Variants in USP15 observed in about 807,000 individuals in gnomAD.
USP15 encodes the protein ubiquitin carboxyl-terminal hydrolase 15.
A neutral mutation model predicts 127.1 loss-of-function variants in USP15; 18 were observed. That is an observed-to-expected ratio of 0.14 (90% CI 0.10 to 0.21). USP15 has a LOEUF of 0.21. Among genes scored for constraint, USP15 ranks in the 10% least tolerant of loss-of-function variants. The pLI is 1.00. For synonymous variants in USP15, 364 were observed against 393.7 expected, an observed-to-expected ratio of 0.92 and a Z score of 0.89; for missense variants, 805 against 1,159.9, an observed-to-expected ratio of 0.69 and a Z score of 4.44.
chr12:62,404,587 T>G lies in USP15; in HGVS notation c.*212T>G, dbSNP rs1228470189. 1 of 453,930 alleles carries G rather than the reference T, an allele frequency of 2.2e-6. No homozygotes were observed. Among genetic ancestry groups the G allele is most frequent in the African/African-American group, 2.0e-5 (1 of 49,024 alleles). 28.1% of individuals were successfully genotyped at this position (453,930 alleles called of 1,614,324 possible). On this transcript the variant is annotated 3_prime_UTR_variant, in exon 22 of 22. Coordinates refer to ENST00000280377, the MANE Select transcript of USP15 (RefSeq NM_001252078.2). The stretch of plus-strand genomic sequence containing the variant: ...ATTGTCTCTTAATACATTTACAGTC[T>G]TGTATTTACAAGCTAAATATATATA...
In USP15 at chr12:62,376,538, A is replaced by T. The variant is rs566658879; in HGVS notation, c.916-4952A>T. 3.3e-5 allele frequency among the ~76,000 whole-genome samples: 5 copies of T among 152,328 alleles called. No individual in the cohort carries two copies. The South Asian group carries it at 1.0e-3, about 32-fold the overall frequency. ...GTTTTGGCATTTGTTAATGTCAGGC[A>T]GTTGAACTCCAATAAATTAACAGGG... is the stretch of plus-strand genomic sequence containing the variant. On this transcript the variant is annotated intron_variant, in intron 8 of 21. Coordinates refer to ENST00000280377, the MANE Select transcript of USP15 (RefSeq NM_001252078.2).
chr12:62,369,845 T>G (rs1592683989), intron 8 of USP15, among the ~76,000 whole-genome samples: 1 of 152,196 alleles, frequency 6.6e-6, no homozygotes, highest in African/African-American at 2.4e-5. Flanking sequence ...ACATTTAGCT[T>G]CCTTTTATAC....
chr12:62,371,903 G>A (rs1002652785), intron 8 of USP15, among the ~76,000 whole-genome samples: 1 of 152,124 alleles, frequency 6.6e-6, no homozygotes, highest in African/African-American at 2.4e-5. Flanking sequence ...CTGTGTGTGT[G>A]AGTAAGCAGG....
At chr12:62,292,869 G>C (rs2064014113) in intron 1 of USP15, among the ~76,000 whole-genome samples, 1 of 152,194 alleles carries the variant, frequency 6.6e-6, no homozygotes, top group Admixed American at 6.5e-5. Flanking sequence ...AGCACCCCGG[G>C]TCTAACTAGC....
chr12:62,369,969 A>G lies in USP15; in HGVS notation c.916-11521A>G, dbSNP rs748497311. On this transcript the variant is annotated intron_variant, in intron 8 of 21. Coordinates refer to ENST00000280377, the MANE Select transcript of USP15 (RefSeq NM_001252078.2). ...TGTTCCCTTGTTTACTCTTTGTTTT[A>G]TTCTTCTTTTTTGTTTGGTTTTTTG... Among the ~76,000 whole-genome samples, 7 of 151,882 alleles carry G rather than the reference A, an allele frequency of 4.6e-5. No homozygotes were observed. In the South Asian group the frequency reaches 1.5e-3, roughly 32 times the overall value.
At chr12:62,281,626 A>C (rs2063652154) in intron 1 of USP15, among the ~76,000 whole-genome samples, 1 of 152,228 alleles carries the variant, frequency 6.6e-6, no homozygotes, top group South Asian at 2.1e-4. Context: ...GGCGTGAGCC[A>C]CAGCACCTGG....
At chr12:62,336,326 C>T in intron 6 of USP15, 1 of 985,380 alleles carries the variant, frequency 1.0e-6, no homozygotes, top group Non-Finnish European at 1.2e-6. Context: ...TTTACCCCTC[C>T]TTCTCCCATC....
chr12:62,309,277 AAAAGAT>A (rs2064585749), intron 3 of USP15, among the ~76,000 whole-genome samples: 1 of 152,076 alleles, frequency 6.6e-6, no homozygotes, highest in Non-Finnish European at 1.5e-5. Context: ...GACTTTTTTG[AAAAGAT>A]TATGTTTTGA....
intron 4 of USP15, among the ~76,000 whole-genome samples, chr12:62,318,641 G>T (rs1344542915): frequency 6.6e-6 from 1 of 152,050 alleles, no homozygotes; most frequent in African/African-American, 2.4e-5. Flanking sequence ...TAAGTTGATA[G>T]GTCCTGCCCT....
At chr12:62,370,097 C>G (rs2066614696) in intron 8 of USP15, among the ~76,000 whole-genome samples, 1 of 152,164 alleles carries the variant, frequency 6.6e-6, no homozygotes, top group Non-Finnish European at 1.5e-5. Flanking sequence ...GCTTTAGCCT[C>G]CCGAGTAGCT....
chr12:62,390,051 T>TA, intron 14 of USP15, 63 bp downstream of exon 14: 1 of 1,398,394 alleles, frequency 7.2e-7, no homozygotes, highest in African/African-American at 1.5e-5. Context: ...AAATAGCTAA[T>TA]AAAAATAAAC....
At chr12:62,284,249 C>T (rs867400930) in intron 1 of USP15, among the ~76,000 whole-genome samples, 1 of 152,068 alleles carries the variant, frequency 6.6e-6, no homozygotes, top group Non-Finnish European at 1.5e-5. Context: ...TGGAACTTTG[C>T]GAAGAAAGCA....
intron 1 of USP15, among the ~76,000 whole-genome samples, chr12:62,289,917 T>G (rs1166528986): frequency 1.3e-5 from 2 of 152,170 alleles, no homozygotes; most frequent in Non-Finnish European, 2.9e-5. Context: ...TTGTATAGCT[T>G]CAAGAATTCC....
intron 2 of USP15, among the ~76,000 whole-genome samples, 198 bp from the exon 3 acceptor site, chr12:62,302,592 A>G (rs77455507): frequency 1.3e-5 from 2 of 152,276 alleles, no homozygotes; most frequent in Admixed American, 6.5e-5. Flanking sequence ...AAGCTCATCA[A>G]CTATTGTTAG....
At chr12:62,355,815 C>CTTTT (rs775118962) in intron 8 of USP15, among the ~76,000 whole-genome samples, 1 of 114,964 alleles carries the variant, frequency 8.7e-6, no homozygotes. Flanking sequence ...GTCTGTTGCA[C>CTTTT]TTTTTTTTTC....
chr12:62,327,533 A>G (rs999263879), intron 6 of USP15: 11 of 361,126 alleles, frequency 3.0e-5, no homozygotes, highest in African/African-American at 6.7e-5. Flanking sequence ...TGAAATTACA[A>G]AATTGTTTGT....
intron 15 of USP15, 28 bp downstream of exon 15, chr12:62,391,007 A>G: frequency 6.3e-7 from 1 of 1,588,462 alleles, no homozygotes; most frequent in Non-Finnish European, 8.6e-7. Flanking sequence ...AATTGTACAA[A>G]TGTTTCACTT....
intron 1 of USP15, among the ~76,000 whole-genome samples, chr12:62,269,926 A>G (rs1242667502): frequency 1.3e-5 from 2 of 152,160 alleles, no homozygotes; most frequent in Admixed American, 1.3e-4. Flanking sequence ...TGGAATTGCT[A>G]GGTCCCTGTT....
At chr12:62,314,602 C>T (rs1364219103) in intron 3 of USP15, among the ~76,000 whole-genome samples, 188 bp from the exon 4 acceptor site, 6 of 151,610 alleles carry the variant, frequency 4.0e-5, no homozygotes, top group Non-Finnish European at 5.9e-5. Flanking sequence ...TCAAAATTTC[C>T]AAAAAGTTTT....
Sources: gnomAD v4.1 joint callset for allele counts (sites outside exome capture counted in the v4.1 genomes callset) on GRCh38, gnomAD v4.1.1 for gene constraint, MANE v1.5 for transcripts, NCBI Gene and HGNC (gene_info 2026-07-23, HGNC 2026-07-21) for gene names.